Variants in CDIN1 observed in about 807,000 individuals in gnomAD.
The protein encoded by CDIN1 is CDAN1-interacting nuclease 1.
In CDIN1, 33 loss-of-function variants were observed where a neutral mutation model predicts 45.3. That is an observed-to-expected ratio of 0.73 (90% confidence interval 0.55 to 0.97). The LOEUF (loss-of-function observed/expected upper bound fraction) is 0.97. Ranked by LOEUF, CDIN1 falls within the 50% of genes least tolerant of loss-of-function variation. CDIN1 has a pLI of 0.00. For synonymous variants in CDIN1, 118 were observed against 124.4 expected (o/e 0.95, Z 0.34); for missense variants, 303 against 339.4 (o/e 0.89, Z 0.84).
At chr15:36,749,586 GCTGT>G (rs2053402892) in intron 10 of CDIN1, among the ~76,000 whole-genome samples, 1 of 152,182 alleles carries the variant, frequency 6.6e-6, no homozygotes, top group Admixed American at 6.6e-5. Context: ...AACTCAGCTG[GCTGT>G]CTGCCGCTAG....
chr15:36,582,815 T>A (rs1297658954), intron 1 of CDIN1, among the ~76,000 whole-genome samples: 1 of 152,226 alleles, frequency 6.6e-6, no homozygotes, highest in African/African-American at 2.4e-5. Context: ...TCTGCAACTT[T>A]TCCAGTATTG....
Position 36,613,685 on chromosome 15 carries a change from A to G in CDIN1, c.102-30593A>G, listed in dbSNP as rs1264187404. 5 of 1,466,552 alleles carry G rather than the reference A, an allele frequency of 3.4e-6. No individual in the cohort carries two copies. In the Admixed American group the frequency reaches 5.0e-5, roughly 15 times the overall value. 90.8% of individuals were successfully genotyped at this position (1,466,552 alleles called of 1,614,324 possible). ...GGACCGTGCTCAGGAGCGCCTGGCTACTGCCCTGCAAAAGCTAGAAGAAGC... is the reference window on the plus strand; with the variant it reads ...GGACCGTGCTCAGGAGCGCCTGGCTGCTGCCCTGCAAAAGCTAGAAGAAGC... On this transcript the variant is annotated intron_variant, in intron 1 of 10. Transcript: ENST00000566621.
intron 5 of CDIN1, among the ~76,000 whole-genome samples, chr15:36,662,411 T>C (rs2041050193): frequency 6.6e-6 from 1 of 151,990 alleles, no homozygotes; most frequent in South Asian, 2.1e-4. Flanking sequence ...TTAATTTTAG[T>C]TTTCAAACAA....
At chr15:36,582,342 C>G (rs1403987985) in intron 1 of CDIN1, among the ~76,000 whole-genome samples, 1 of 152,164 alleles carries the variant, frequency 6.6e-6, no homozygotes, top group Non-Finnish European at 1.5e-5. Context: ...TGTATTTACT[C>G]TAGTCATACA....
chr15:36,742,264 A>T (rs1192795525), intron 10 of CDIN1, among the ~76,000 whole-genome samples: 1 of 152,258 alleles, frequency 6.6e-6, no homozygotes, highest in Non-Finnish European at 1.5e-5. Context: ...ATCTATAAAT[A>T]CATAAAATAG....
At chr15:36,785,896 G>A (rs112815922) in intron 10 of CDIN1, among the ~76,000 whole-genome samples, 3 of 152,234 alleles carry the variant, frequency 2.0e-5, no homozygotes, top group African/African-American at 7.2e-5. Context: ...TCTTAATGGT[G>A]GCACAGACCC....
chr15:36,623,894 A>G (rs1462951133), intron 1 of CDIN1, among the ~76,000 whole-genome samples: 1 of 152,216 alleles, frequency 6.6e-6, no homozygotes, highest in African/African-American at 2.4e-5. Flanking sequence ...CAAACTGCCT[A>G]TATTCACATC....
In CDIN1 at chr15:36,667,747, C is replaced by T. The variant is rs554648550; in HGVS notation, c.346+9842C>T. Among the ~76,000 whole-genome samples, 169 of 152,164 alleles carry T rather than the reference C, an allele frequency of 1.1e-3. 1 individual carries two copies. Among genetic ancestry groups the T allele is most frequent in the African/African-American group, 4.1e-3 (169 of 41,530 alleles). On this transcript the variant is annotated intron_variant, in intron 5 of 10. Coordinates refer to ENST00000566621, the MANE Select transcript of CDIN1 (RefSeq NM_001321759.2). ...TTCTTTTGTGCTTCACCTTATAGCT[C>T]TTATTTTAGTTGTTAATACTATTTT...
chr15:36,694,681 C>T (rs2042363512), intron 7 of CDIN1, among the ~76,000 whole-genome samples: 1 of 152,132 alleles, frequency 6.6e-6, no homozygotes, highest in Non-Finnish European at 1.5e-5. Context: ...AAACCAGCCA[C>T]CTCAACTTTC....
In CDIN1 at chr15:36,741,134, A is replaced by G. The variant is rs140333231; in HGVS notation, c.716+31173A>G. 2.6e-3 allele frequency among the ~76,000 whole-genome samples: 394 copies of G among 152,220 alleles called. 3 individuals are homozygous for G. Among genetic ancestry groups the G allele is most frequent in the African/African-American group, 9.3e-3 (385 of 41,516 alleles). On this transcript the variant is annotated intron_variant, in intron 10 of 10. Coordinates refer to ENST00000566621, the MANE Select transcript of CDIN1 (RefSeq NM_001321759.2). The stretch of plus-strand genomic sequence containing the variant: ...AGAATTTACTGTGATGGCCTGGGCT[A>G]TCTCCTACACTTTAAATAGTGACAA...
chr15:36,784,256 C>T (rs573154391), intron 10 of CDIN1, among the ~76,000 whole-genome samples: 2 of 152,238 alleles, frequency 1.3e-5, no homozygotes, highest in South Asian at 4.1e-4. Context: ...TGTCAGAGTA[C>T]CTGGCACTTT....
intron 1 of CDIN1, among the ~76,000 whole-genome samples, chr15:36,625,362 T>C (rs1188793303): frequency 2.0e-5 from 3 of 152,178 alleles, no homozygotes; most frequent in Non-Finnish European, 4.4e-5. Context: ...CATAGACTAG[T>C]AGCATTATGG....
At chr15:36,743,403 T>C (rs995550157) in intron 10 of CDIN1, among the ~76,000 whole-genome samples, 1 of 152,196 alleles carries the variant, frequency 6.6e-6, no homozygotes, top group African/African-American at 2.4e-5. Context: ...AGATATTCTG[T>C]GTTCTGCAAC....
At chr15:36,598,408 T>C (rs2037939111) in intron 1 of CDIN1, among the ~76,000 whole-genome samples, 1 of 152,240 alleles carries the variant, frequency 6.6e-6, no homozygotes, top group African/African-American at 2.4e-5. Flanking sequence ...CCTAAGGCAG[T>C]TGATACAATA....
intron 10 of CDIN1, among the ~76,000 whole-genome samples, chr15:36,718,173 A>G (rs1425847562): frequency 6.6e-6 from 1 of 152,082 alleles, no homozygotes; most frequent in Non-Finnish European, 1.5e-5. Flanking sequence ...GTCAAAAATC[A>G]GTTGTTCATA....
intron 10 of CDIN1, among the ~76,000 whole-genome samples, chr15:36,758,823 A>G (rs2053679735): frequency 6.6e-6 from 1 of 152,190 alleles, no homozygotes; most frequent in South Asian, 2.1e-4. Context: ...ATACAGTATA[A>G]TATCTGTTAA....
intron 10 of CDIN1, among the ~76,000 whole-genome samples, chr15:36,802,382 C>G (rs1332661151): frequency 6.6e-6 from 1 of 152,094 alleles, no homozygotes; most frequent in Non-Finnish European, 1.5e-5. Context: ...TCAAGGGCTC[C>G]CTGAAATCTG....
chr15:36,630,690 C>CA (rs1280245132), intron 1 of CDIN1, among the ~76,000 whole-genome samples: 2 of 152,166 alleles, frequency 1.3e-5, no homozygotes, highest in African/African-American at 4.8e-5. Flanking sequence ...TTACTTGGCT[C>CA]ACAGTTCTAC....
chr15:36,766,101 G>T (rs942559486), intron 10 of CDIN1, among the ~76,000 whole-genome samples: 1 of 152,156 alleles, frequency 6.6e-6, no homozygotes, highest in Non-Finnish European at 1.5e-5. Context: ...ACTACCAGCT[G>T]CTCTCTGCTT....
Sources: gnomAD v4.1 joint callset for allele counts (sites outside exome capture counted in the v4.1 genomes callset) on GRCh38, gnomAD v4.1.1 for gene constraint, MANE v1.5 for transcripts, NCBI Gene and HGNC (gene_info 2026-07-23, HGNC 2026-07-21) for gene names.